Variants in AGBL4 observed in about 807,000 individuals in gnomAD.
The protein encoded by AGBL4 is AGBL carboxypeptidase 4.
A neutral mutation model predicts 66.4 loss-of-function variants in AGBL4; 58 were observed. The observed-to-expected ratio is 0.87, with a 90% CI of 0.71 to 1.09. AGBL4 has a LOEUF of 1.09. Among genes scored for constraint, AGBL4 ranks in the 50% least tolerant of loss-of-function variants. AGBL4 has a pLI of 0.00. For missense variants in AGBL4, 579 were observed against 631.0 expected (o/e 0.92, Z 0.88); for synonymous variants, 234 against 222.9 (o/e 1.05, Z -0.44).
At chr1:48,913,026 G>A (rs1236234108) in intron 5 of AGBL4, among the ~76,000 whole-genome samples, 1 of 152,142 alleles carries the variant, frequency 6.6e-6, no homozygotes, top group Non-Finnish European at 1.5e-5. Context: ...GATCCAGAGG[G>A]AAAAGAAAGC....
At position 49,561,735 on chromosome 1, in the gene AGBL4, C is replaced by T. The variant is rs190112136; in HGVS notation, c.282+135578G>A. On this transcript the variant is annotated intron_variant, in intron 3 of 13. Transcript: ENST00000371839. ...TTGGATATTTGGGTTGGTTCCAAGT[C>T]TTTGCTATTGTGAATAGCGCCACAA... is the stretch of plus-strand genomic sequence containing the variant. Among the ~76,000 whole-genome samples the T allele has an allele frequency of 1.2e-4, 19 of 152,218 alleles. 1 individual carries two copies. The East Asian group carries it at 3.5e-3, about 28-fold the overall frequency.
At chr1:49,346,216 T>C (rs1229869040) in intron 3 of AGBL4, among the ~76,000 whole-genome samples, 2 of 152,202 alleles carry the variant, frequency 1.3e-5, no homozygotes, top group Admixed American at 1.3e-4. Context: ...TTATACCTAG[T>C]ATTAGATTCT....
chr1:49,425,266 A>C (rs1032294054), intron 3 of AGBL4, among the ~76,000 whole-genome samples: 1 of 152,172 alleles, frequency 6.6e-6, no homozygotes, highest in African/African-American at 2.4e-5. Context: ...AATAATAAAA[A>C]ACATTTGCTC....
At chr1:48,804,852 G>T (rs1225745914) in intron 6 of AGBL4, among the ~76,000 whole-genome samples, 1 of 152,196 alleles carries the variant, frequency 6.6e-6, no homozygotes, top group Non-Finnish European at 1.5e-5. Flanking sequence ...AGGAAGCTCA[G>T]AAATTTTGTT....
chr1:49,842,306 A>C (rs1252729014), intron 2 of AGBL4: 1 of 495,832 alleles, frequency 2.0e-6, no homozygotes, highest in Non-Finnish European at 3.7e-6. Flanking sequence ...TTGGTTACCA[A>C]AGCCAAACAT....
chr1:48,695,812 C>T (rs1441253282), intron 6 of AGBL4, among the ~76,000 whole-genome samples: 2 of 152,164 alleles, frequency 1.3e-5, no homozygotes, highest in Non-Finnish European at 2.9e-5. Context: ...GCTGCAAAGA[C>T]AGACTTTTAG....
chr1:48,539,521 G>C, intron 12 of AGBL4, 121 bp downstream of exon 12: 2 of 725,488 alleles, frequency 2.8e-6, no homozygotes, highest in Non-Finnish European at 2.0e-6. Context: ...GCAGGGCCAG[G>C]ATTATCTTTC....
At chr1:49,556,071 C>T (rs372084761) in intron 3 of AGBL4, among the ~76,000 whole-genome samples, 6 of 152,300 alleles carry the variant, frequency 3.9e-5, no homozygotes, top group East Asian at 1.9e-4. Context: ...TATAAAGACA[C>T]ATGCACACGT....
At chr1:48,999,221 A>C (rs1661224411) in intron 5 of AGBL4, among the ~76,000 whole-genome samples, 1 of 152,178 alleles carries the variant, frequency 6.6e-6, no homozygotes, top group African/African-American at 2.4e-5. Flanking sequence ...CTGCAGAAGA[A>C]AACAAATCTC....
intron 3 of AGBL4, among the ~76,000 whole-genome samples, chr1:49,565,083 T>A (rs1010677347): frequency 1.3e-5 from 2 of 152,230 alleles, no homozygotes; most frequent in African/African-American, 4.8e-5. Context: ...TCTCTTTTGA[T>A]CTTTGTTGGT....
At chr1:48,751,965 G>C (rs898947522) in intron 6 of AGBL4, among the ~76,000 whole-genome samples, 4 of 152,166 alleles carry the variant, frequency 2.6e-5, no homozygotes, top group African/African-American at 9.7e-5. Context: ...TTCAAAAAAA[G>C]TCCTTCAAAG....
At chr1:48,581,018 G>A (rs900012875) in intron 11 of AGBL4, among the ~76,000 whole-genome samples, 1 of 152,118 alleles carries the variant, frequency 6.6e-6, no homozygotes, top group Non-Finnish European at 1.5e-5. Flanking sequence ...AGCTGGTTTA[G>A]GTGACTCCCA....
chr1:49,388,246 G>A (rs1644776738), intron 3 of AGBL4, among the ~76,000 whole-genome samples: 1 of 152,074 alleles, frequency 6.6e-6, no homozygotes, highest in African/African-American at 2.4e-5. Context: ...ATAGTAAATA[G>A]TTTAGGCTTA....
intron 3 of AGBL4, among the ~76,000 whole-genome samples, chr1:49,592,696 T>C (rs1644774556): frequency 6.6e-6 from 1 of 152,176 alleles, no homozygotes; most frequent in Non-Finnish European, 1.5e-5. Flanking sequence ...AGATATCATC[T>C]CACACAAGTC....
intron 6 of AGBL4, among the ~76,000 whole-genome samples, chr1:48,710,962 C>A (rs34480305): frequency 0.87 from 132,550 of 151,798 alleles, 60,530 homozygotes; most frequent in Non-Finnish European, 1. Context: ...CCTCCAGTGA[C>A]AAACCTCTCA....
At chr1:48,732,652 C>A (rs1272528551) in intron 6 of AGBL4, among the ~76,000 whole-genome samples, 1 of 152,032 alleles carries the variant, frequency 6.6e-6, no homozygotes, top group African/African-American at 2.4e-5. Flanking sequence ...TGGAAGAAGG[C>A]CTCCAGGGCT....
At chr1:49,928,279 T>A (rs1212821771) in intron 1 of AGBL4, among the ~76,000 whole-genome samples, 2 of 152,092 alleles carry the variant, frequency 1.3e-5, no homozygotes, top group African/African-American at 4.8e-5. Flanking sequence ...TGAGACGGAG[T>A]CTCACTCTGT....
intron 2 of AGBL4, among the ~76,000 whole-genome samples, chr1:49,762,506 G>A (rs985688686): frequency 9.3e-5 from 14 of 151,096 alleles, no homozygotes; most frequent in East Asian, 5.8e-4. Flanking sequence ...TCCGTCTTCC[G>A]GGTTCACTCC....
At chr1:48,871,688 T>C (rs1358275375) in intron 5 of AGBL4, among the ~76,000 whole-genome samples, 1 of 152,088 alleles carries the variant, frequency 6.6e-6, no homozygotes. Flanking sequence ...ATAAGGACAA[T>C]GGAGGGTGGG....
Sources: gnomAD v4.1 joint callset for allele counts (sites outside exome capture counted in the v4.1 genomes callset) on GRCh38, gnomAD v4.1.1 for gene constraint, MANE v1.5 for transcripts, NCBI Gene and HGNC (gene_info 2026-07-23, HGNC 2026-07-21) for gene names.